Variants in OTUD5 observed in about 807,000 individuals in gnomAD.
OTUD5 encodes the protein OTU deubiquitinase 5, also known as OTU domain-containing protein 5.
In OTUD5, 2 loss-of-function variants were observed where a neutral mutation model predicts 36.3. The observed-to-expected ratio is 0.06, with a 90% CI of 0.02 to 0.17. The LOEUF is 0.17. Ranked by LOEUF, OTUD5 falls within the 10% of genes least tolerant of loss-of-function variation. OTUD5 has a pLI of 1.00. For missense variants in OTUD5, 233 were observed against 512.3 expected, an observed-to-expected ratio of 0.45 and a Z score of 5.26; for synonymous variants, 234 against 214.9, an observed-to-expected ratio of 1.09 and a Z score of -0.78.
At position 48,923,052 on chromosome X, in the gene OTUD5, G is replaced by A; in HGVS notation, c.*122C>T. On this transcript the variant is annotated 3_prime_UTR_variant, in exon 9 of 9. Coordinates refer to ENST00000376488, the MANE Select transcript of OTUD5 (RefSeq NM_001136157.2). ...TAGCCAGAGGGAAGTGAGGAGGAGG[G>A]AAAAGAGGGGAGAGCAGAAAGAACA... The A allele has an allele frequency of 8.6e-7, 1 of 1,164,914 alleles. No individual in the cohort carries two copies.
At chrX:48,923,814 T>C in intron 7 of OTUD5, 37 bp downstream of exon 7, 1 of 1,201,177 alleles carries the variant, frequency 8.3e-7, no homozygotes, top group Non-Finnish European at 1.1e-6. Flanking sequence ...ACGTGCCTCC[T>C]AACTCCCAGC....
chrX:48,932,322 A>G (rs782157223), intron 5 of OTUD5, among the ~76,000 whole-genome samples: 25 of 109,676 alleles, frequency 2.3e-4, no homozygotes, highest in South Asian at 3.8e-4. Flanking sequence ...AACTTAAAAC[A>G]TTCATTTTTA....
At chrX:48,956,483 T>C (rs1557055300) in intron 1 of OTUD5, among the ~76,000 whole-genome samples, 1 of 111,617 alleles carries the variant, frequency 9.0e-6, no homozygotes, top group Non-Finnish European at 1.9e-5. Context: ...TCTCAGACTC[T>C]TGAAAGGGCT....
At chrX:48,941,359 A>G (rs1477453366) in intron 2 of OTUD5, among the ~76,000 whole-genome samples, 5 of 94,831 alleles carry the variant, frequency 5.3e-5, no homozygotes, top group Non-Finnish European at 1.0e-4. Context: ...TGAACCCGGG[A>G]GGCAGAGGTT....
intron 2 of OTUD5, chrX:48,940,836 G>A (rs2063907116): frequency 1.8e-5 from 2 of 112,262 alleles, no homozygotes; most frequent in African/African-American, 6.5e-5. Context: ...AATAAGAGGA[G>A]GTGGGAGAGA....
chrX:48,956,693 T>A (rs2064248379), intron 1 of OTUD5, among the ~76,000 whole-genome samples: 2 of 111,097 alleles, frequency 1.8e-5, no homozygotes, highest in Non-Finnish European at 3.8e-5. Context: ...AATTCCCACC[T>A]ATTGGCCCTA....
At chrX:48,957,814 C>T (rs1557056219), upstream of OTUD5, 2 of 766,329 alleles carry the variant, frequency 2.6e-6, no homozygotes, top group African/African-American at 2.3e-5. Context: ...GAAGGCAGTG[C>T]GGCGAGTTTG....
At chrX:48,943,903 T>C (rs782525576) in intron 2 of OTUD5, among the ~76,000 whole-genome samples, 13 of 112,245 alleles carry the variant, frequency 1.2e-4, no homozygotes, top group Non-Finnish European at 1.9e-5. Flanking sequence ...TACACTCACC[T>C]AGCTTAGAGG....
rs2063658331 is a variant in OTUD5, at chrX:48,925,832, G to C, written c.1263+15C>G. On this transcript the variant is annotated intron_variant, in intron 6 of 8. Transcript: ENST00000376488. ...TGAGTTTTTGGCCAAGCCTGTGACA[G>C]AGTCCATGACCCACCTGGCTGGGGC... The C allele has an allele frequency of 4.2e-6, 5 of 1,189,550 alleles. No homozygotes were observed. Among genetic ancestry groups the C allele is most frequent in the Non-Finnish European group, 5.7e-6 (5 of 879,520 alleles).
chrX:48,927,610 C>T (rs782587222), intron 5 of OTUD5, among the ~76,000 whole-genome samples: 6 of 111,745 alleles, frequency 5.4e-5, no homozygotes, highest in Non-Finnish European at 1.1e-4. Flanking sequence ...GGGGAAGGGA[C>T]GTGGAGCTTC....
chrX:48,928,994 C>T (rs2063708776), intron 5 of OTUD5, among the ~76,000 whole-genome samples: 1 of 110,889 alleles, frequency 9.0e-6, no homozygotes. Context: ...TCAAACTATT[C>T]TGAATAATAC....
intron 1 of OTUD5, among the ~76,000 whole-genome samples, chrX:48,950,400 G>A (rs2064115405): frequency 9.0e-6 from 1 of 110,609 alleles, no homozygotes; most frequent in Non-Finnish European, 1.9e-5. Flanking sequence ...GCAGCCACGA[G>A]AGGCTAGAGA....
intron 1 of OTUD5, among the ~76,000 whole-genome samples, chrX:48,953,878 C>T (rs1042679950): frequency 9.0e-6 from 1 of 110,854 alleles, no homozygotes; most frequent in Non-Finnish European, 1.9e-5. Context: ...TCCCCCTCAA[C>T]GACGCCTCTC....
chrX:48,956,488 A>G (rs1319026228), intron 1 of OTUD5, among the ~76,000 whole-genome samples: 1 of 111,597 alleles, frequency 9.0e-6, no homozygotes, highest in Non-Finnish European at 1.9e-5. Flanking sequence ...GACTCTTGAA[A>G]GGGCTTAGGC....
At chrX:48,943,052 C>A (rs1210499064) in intron 2 of OTUD5, among the ~76,000 whole-genome samples, 2 of 111,354 alleles carry the variant, frequency 1.8e-5, no homozygotes, top group African/African-American at 3.3e-5. Context: ...CATTGAGAAT[C>A]AACACCATTT....
chrX:48,941,867 C>T (rs1462463504), intron 2 of OTUD5, among the ~76,000 whole-genome samples: 1 of 111,846 alleles, frequency 8.9e-6, no homozygotes, highest in African/African-American at 3.3e-5. Context: ...ATGCACTCTG[C>T]ACCAAGGAAA....
intron 1 of OTUD5, among the ~76,000 whole-genome samples, chrX:48,945,538 G>A (rs1210065511): frequency 9.0e-6 from 1 of 110,514 alleles, no homozygotes; most frequent in Non-Finnish European, 1.9e-5. Flanking sequence ...CCAAAGTGCT[G>A]GGATTACAGA....
chrX:48,956,895 TCAAA>T (rs782526157), intron 1 of OTUD5, 78 bp downstream of exon 1: 94 of 994,148 alleles, frequency 9.5e-5, no homozygotes, highest in Non-Finnish European at 1.1e-4. Flanking sequence ...TGGGGCGATC[TCAAA>T]CAGCCTTCCT....
chrX:48,942,024 C>T (rs180858508), intron 2 of OTUD5, among the ~76,000 whole-genome samples: 4 of 110,575 alleles, frequency 3.6e-5, no homozygotes, highest in Non-Finnish European at 7.6e-5. Context: ...CTTCAACCTG[C>T]CCTGGTCAGC....
Sources: gnomAD v4.1 joint callset for allele counts (sites outside exome capture counted in the v4.1 genomes callset) on GRCh38, gnomAD v4.1.1 for gene constraint, MANE v1.5 for transcripts, NCBI Gene and HGNC (gene_info 2026-07-23, HGNC 2026-07-21) for gene names.